Variants in ARIH1 observed in about 807,000 individuals in gnomAD.
The protein encoded by ARIH1 is E3 ubiquitin-protein ligase ARIH1.
A neutral mutation model predicts 85.0 loss-of-function variants in ARIH1; 8 were observed. The observed-to-expected ratio is 0.09, with a 90% CI of 0.06 to 0.17. ARIH1 has a LOEUF of 0.17. ARIH1 is among the 10% of genes least tolerant of loss of function. The pLI, the probability that ARIH1 is intolerant of heterozygous loss-of-function variation, is 1.00. For missense variants in ARIH1, 311 were observed against 718.1 expected (o/e 0.43, Z 6.48); for synonymous variants, 238 against 253.6 (o/e 0.94, Z 0.59).
rs1225215502 is a variant in ARIH1, at chr15:72,474,552, G to C, written c.-88G>C. ...GAGCCAGGCCTGCGTCCGGACATCA[G>C]CCGGAGCCGGAGCGAGAGCCGGGGC... is the stretch of plus-strand genomic sequence containing the variant. On this transcript the variant is annotated 5_prime_UTR_variant, in exon 1 of 14. Transcript: ENST00000379887. 4 of 1,435,628 alleles carry C rather than the reference G, an allele frequency of 2.8e-6. No homozygotes were observed. The African/African-American group carries it at 5.9e-5, about 21-fold the overall frequency. 88.9% of individuals were successfully genotyped at this position (1,435,628 alleles called of 1,614,324 possible). A position where few individuals can be genotyped will look rare whatever the true frequency, so the allele number is the denominator to read the frequency against.
In ARIH1 at chr15:72,593,913, AAAAG is replaced by A. The variant is rs1290082374; in HGVS notation, c.*10625_*10628del. The A allele has an allele frequency of 1.3e-5, 2 of 151,620 alleles. No individual in the cohort carries two copies. Among genetic ancestry groups the A allele is most frequent in the Non-Finnish European group, 2.9e-5 (2 of 67,930 alleles). The allele number at this position is 151,620 out of a possible 1,614,324, so 9.4% of individuals were successfully genotyped here. On this transcript the variant is annotated 3_prime_UTR_variant, in exon 14 of 14. Coordinates refer to ENST00000379887, the MANE Select transcript of ARIH1 (RefSeq NM_005744.5). Reference sequence around the variant, plus strand: ...GACAGCAAGACCCTGTCAAAAAAAAAAAAGAAAAGAAAAAACTGCTAGAATCTTG... The same window carrying A: ...GACAGCAAGACCCTGTCAAAAAAAAAAAAAGAAAAAACTGCTAGAATCTTG...
At chr15:72,579,373 T>TGG (rs10692723) in intron 11 of ARIH1, among the ~76,000 whole-genome samples, 1,636 of 151,932 alleles carry the variant, frequency 0.011, 27 homozygotes, top group African/African-American at 0.038. Context: ...ATTCAGTGGT[T>TGG]GGGGGGGGAG....
intron 1 of ARIH1, among the ~76,000 whole-genome samples, chr15:72,491,184 CT>C (rs1230096879): frequency 6.6e-6 from 1 of 152,046 alleles, no homozygotes; most frequent in Non-Finnish European, 1.5e-5. Flanking sequence ...TAATGTGCCC[CT>C]ATCTACCTTA....
At chr15:72,498,587 G>A (rs2063889631) in intron 1 of ARIH1, among the ~76,000 whole-genome samples, 1 of 152,214 alleles carries the variant, frequency 6.6e-6, no homozygotes, top group Non-Finnish European at 1.5e-5. Flanking sequence ...GCTCACGCCT[G>A]TGATCCCAGC....
At chr15:72,496,869 A>G (rs1007739848) in intron 1 of ARIH1, 3 of 985,444 alleles carry the variant, frequency 3.0e-6, no homozygotes, top group South Asian at 4.7e-5. Flanking sequence ...GTAGGACAGA[A>G]TCATTCCAAA....
At chr15:72,561,087 G>A (rs1192411435) in intron 5 of ARIH1, among the ~76,000 whole-genome samples, 1 of 152,034 alleles carries the variant, frequency 6.6e-6, no homozygotes, top group Admixed American at 6.6e-5. Flanking sequence ...GTCTCATTTC[G>A]CATACTGATT....
At position 72,555,315 on chromosome 15, in the gene ARIH1, C is replaced by T. The variant is rs76918861; in HGVS notation, c.633C>T (p.Cys211=). The T allele has an allele frequency of 0.013, 21,683 of 1,613,170 alleles. 191 individuals carry two copies. The highest frequency in any genetic ancestry group is 0.015 in the Non-Finnish European group (17,836 of 1,179,214). Residue 211 remains cysteine (C), a synonymous_variant, in exon 4 of 14, where the codon TGC becomes TGT. Transcript: ENST00000379887. The stretch of plus-strand genomic sequence containing the variant: ...GTGGACATAAGTTTTGTATGCAGTG[C>T]TGGAGTGAATATTTAACTACCAAAA... ...LECGHKFCMQ[C]WSEYLTTKIM...
Position 72,487,080 on chromosome 15 carries a change from A to AT in ARIH1, c.375+12075dup, listed in dbSNP as rs200378374. ...GGAATTTTCTCCTATTATTATTATT[A>AT]TTTTTTTTTGTATGTAAATATTGTT... is the stretch of plus-strand genomic sequence containing the variant. On this transcript the variant is annotated intron_variant, in intron 1 of 13. Coordinates refer to ENST00000379887, the MANE Select transcript of ARIH1 (RefSeq NM_005744.5). Among the ~76,000 whole-genome samples, 69 of 150,706 alleles carry AT rather than the reference A, an allele frequency of 4.6e-4. 2 individuals carry two copies. Among genetic ancestry groups the AT allele is most frequent in the East Asian group, 1.6e-3 (8 of 5,142 alleles).
At chr15:72,532,805 A>AGTT (rs2064063536) in intron 2 of ARIH1, among the ~76,000 whole-genome samples, 1 of 152,244 alleles carries the variant, frequency 6.6e-6, no homozygotes, top group Non-Finnish European at 1.5e-5. Context: ...AACCTGAAAC[A>AGTT]ATTCAGCATG....
Position 72,595,046 on chromosome 15 carries a change from A to C in ARIH1, c.*11754A>C, listed in dbSNP as rs2064358328. ...TAATTTTTATTAGGAAGGGTTATTA[A>C]ATTTTGTGAGATGCGTTTTTAGCTT... On this transcript the variant is annotated 3_prime_UTR_variant, in exon 14 of 14. Coordinates refer to ENST00000379887, the MANE Select transcript of ARIH1 (RefSeq NM_005744.5). 1 of 151,646 alleles carries C rather than the reference A, an allele frequency of 6.6e-6. No homozygotes were observed. Among genetic ancestry groups the C allele is most frequent in the African/African-American group, 2.4e-5 (1 of 41,252 alleles). The allele number at this position is 151,646 out of a possible 1,614,324, so 9.4% of individuals were successfully genotyped here.
intron 1 of ARIH1, among the ~76,000 whole-genome samples, chr15:72,516,252 C>A (rs923760709): frequency 2.0e-5 from 3 of 152,092 alleles, no homozygotes; most frequent in African/African-American, 7.2e-5. Flanking sequence ...GTACTGGATG[C>A]CACAAAGTTA....
At position 72,563,066 on chromosome 15, in the gene ARIH1, T is replaced by C. The variant is rs562882930; in HGVS notation, c.805-328T>C. ...TGACCTAATTTAATTTGCTGTCTTT[T>C]TTTGAGGCAGGGCCTCATTCTAACA... On this transcript the variant is annotated intron_variant, in intron 6 of 13. Coordinates refer to ENST00000379887, the MANE Select transcript of ARIH1 (RefSeq NM_005744.5). 7.2e-5 allele frequency among the ~76,000 whole-genome samples: 11 copies of C among 152,328 alleles called. No homozygotes were observed. In the South Asian group the frequency reaches 2.3e-3, roughly 32 times the overall value.
At chr15:72,480,556 C>T (rs1359017631) in intron 1 of ARIH1, among the ~76,000 whole-genome samples, 2 of 151,672 alleles carry the variant, frequency 1.3e-5, no homozygotes, top group African/African-American at 4.8e-5. Flanking sequence ...CCACGGTGCC[C>T]AGCCACACTT....
At chr15:72,570,976 A>T (rs1288638718) in intron 10 of ARIH1, among the ~76,000 whole-genome samples, 2 of 151,934 alleles carry the variant, frequency 1.3e-5, no homozygotes, top group East Asian at 3.9e-4. Flanking sequence ...CTAAAAATAC[A>T]AAATTAGCCA....
At position 72,592,307 on chromosome 15, in the gene ARIH1, C is replaced by A. The variant is rs184308333; in HGVS notation, c.*9015C>A. 7.9e-5 allele frequency: 12 copies of A among 152,212 alleles called. No individual in the cohort carries two copies. The highest frequency in any genetic ancestry group is 7.8e-4 in the Admixed American group (12 of 15,296). The allele number at this position is 152,212 out of a possible 1,614,324, so 9.4% of individuals were successfully genotyped here. A position where few individuals can be genotyped will look rare whatever the true frequency, so the allele number is the denominator to read the frequency against. ...ATAAATTCCATAATCAAGGGCCTGG[C>A]CCTGAATAGATTGGAGCCCAAAAAT... On this transcript the variant is annotated 3_prime_UTR_variant, in exon 14 of 14. Transcript: ENST00000379887.
At chr15:72,577,425 C>A (rs915551689) in intron 11 of ARIH1, among the ~76,000 whole-genome samples, 1 of 152,024 alleles carries the variant, frequency 6.6e-6, no homozygotes, top group African/African-American at 2.4e-5. Flanking sequence ...GTAATCTCAG[C>A]ACTTTGGGAA....
chr15:72,502,523 G>GT, intron 1 of ARIH1, among the ~76,000 whole-genome samples: 1 of 152,252 alleles, frequency 6.6e-6, no homozygotes, highest in East Asian at 1.9e-4. Flanking sequence ...AGAGTAATGA[G>GT]TGGCTGGGCA....
intron 2 of ARIH1, among the ~76,000 whole-genome samples, chr15:72,520,593 C>T (rs552849993): frequency 3.3e-5 from 5 of 152,052 alleles, no homozygotes; most frequent in East Asian, 1.9e-4. Flanking sequence ...GTTTTCTGTT[C>T]GCTTATTCTG....
At chr15:72,505,740 T>A (rs116485481) in intron 1 of ARIH1, among the ~76,000 whole-genome samples, 2,569 of 152,200 alleles carry the variant, frequency 0.017, 63 homozygotes, top group African/African-American at 0.059. Flanking sequence ...GATAGTGTCT[T>A]TTTTTTCTCC....
Sources: allele counts gnomAD v4.1 joint callset (sites outside exome capture counted in the v4.1 genomes callset), GRCh38; gene constraint gnomAD v4.1.1; transcripts MANE v1.5; gene names NCBI Gene and HGNC (gene_info 2026-07-23, HGNC 2026-07-21).